TTC6: variants seen among roughly 807,000 people sequenced by gnomAD.
TTC6 encodes tetratricopeptide repeat domain 6.
In TTC6, 172 loss-of-function variants were observed where a neutral mutation model predicts 210.4. That is an observed-to-expected ratio of 0.82 (90% CI 0.72 to 0.93). TTC6 has a LOEUF of 0.93. Among genes scored for constraint, TTC6 ranks in the 40% least tolerant of loss-of-function variants. The pLI is 0.00. For synonymous variants in TTC6, 804 were observed against 819.6 expected, an observed-to-expected ratio of 0.98 and a Z score of 0.32; for missense variants, 2,414 against 2,318.1, an observed-to-expected ratio of 1.04 and a Z score of -0.85.
chr14:37,673,471 A>G (rs1403079259), intron 1 of TTC6, among the ~76,000 whole-genome samples: 3 of 151,848 alleles, frequency 2.0e-5, no homozygotes, highest in Non-Finnish European at 4.4e-5. Flanking sequence ...TTTTAGAAAC[A>G]CTCTTTTGGC....
intron 1 of TTC6, among the ~76,000 whole-genome samples, chr14:37,663,934 A>G (rs1326107088): frequency 6.6e-6 from 1 of 151,100 alleles, no homozygotes; most frequent in Admixed American, 6.6e-5. Context: ...ACCTAGGACT[A>G]TAGCTAATAA....
At chr14:37,710,535 T>C (rs1390847495) in intron 5 of TTC6, among the ~76,000 whole-genome samples, 1 of 152,130 alleles carries the variant, frequency 6.6e-6, no homozygotes, top group Non-Finnish European at 1.5e-5. Context: ...CCCTCAATGA[T>C]CATAAACAAT....
intron 7 of TTC6, among the ~76,000 whole-genome samples, chr14:37,730,594 T>C (rs1400872281): frequency 6.6e-6 from 1 of 151,776 alleles, no homozygotes; most frequent in Non-Finnish European, 1.5e-5. Flanking sequence ...TCATTTCCTT[T>C]CTTCTAATCA....
chr14:37,729,345 A>G (rs1467621788), intron 7 of TTC6, among the ~76,000 whole-genome samples: 2 of 152,220 alleles, frequency 1.3e-5, no homozygotes, highest in Admixed American at 6.5e-5. Flanking sequence ...GCATAAGTCA[A>G]TATGGCATCC....
chr14:37,724,870 C>T lies in TTC6; in HGVS notation c.1714-28C>T, dbSNP rs750960343. ...CTCTCAAGGCCATTTCTTACCATTT[C>T]TAATAACCTTTTATGTTATTTTCAA... On this transcript the variant is annotated intron_variant, in intron 6 of 30. Coordinates refer to ENST00000553443, the Ensembl canonical transcript of TTC6. The T allele has an allele frequency of 1.0e-5, 14 of 1,337,304 alleles. No individual in the cohort carries two copies. In the South Asian group the frequency reaches 1.9e-4, roughly 18 times the overall value. 82.8% of individuals were successfully genotyped at this position (1,337,304 alleles called of 1,614,324 possible).
intron 21 of TTC6, among the ~76,000 whole-genome samples, chr14:37,805,618 G>A (rs2096116752): frequency 6.6e-6 from 1 of 152,158 alleles, no homozygotes; most frequent in Middle Eastern, 3.2e-3. Flanking sequence ...TAGTCCTTTT[G>A]AACAACCAGA....
chr14:37,737,813 A>T (rs17107021), intron 9 of TTC6, 79 bp downstream of exon 11: 442,059 of 671,042 alleles, frequency 0.66, 147,934 homozygotes, highest in East Asian at 0.89. Flanking sequence ...ATTTTTTTTT[A>T]AAAGCATCTA....
At chr14:37,669,667 G>T (rs958210974) in intron 1 of TTC6, among the ~76,000 whole-genome samples, 48 of 152,074 alleles carry the variant, frequency 3.2e-4, no homozygotes, top group Non-Finnish European at 1.2e-4. Context: ...ATTTTTAGTA[G>T]GATGGATCAA....
chr14:37,703,966 C>G (rs2095830490), intron 5 of TTC6, among the ~76,000 whole-genome samples: 1 of 152,050 alleles, frequency 6.6e-6, no homozygotes, highest in African/African-American at 2.4e-5. Context: ...TGGTGAATAG[C>G]CTTTCGGACA....
At chr14:37,792,154 T>C (rs1015811577) in intron 16 of TTC6, 110 bp from the exon 19 acceptor site, 1 of 849,914 alleles carries the variant, frequency 1.2e-6, no homozygotes, top group African/African-American at 1.7e-5. Flanking sequence ...CATTAAAAAA[T>C]ACTCTGATGA....
chr14:37,749,194 A>G, exon 11 of TTC6: 1 of 1,532,738 alleles, frequency 6.5e-7, no homozygotes, highest in Non-Finnish European at 8.7e-7. Context: ...CACCTGAAAG[A>G]GTGAAAGAAC....
exon 4 of TTC6, chr14:37,696,735 T>C: frequency 6.8e-7 from 1 of 1,463,282 alleles, no homozygotes. Context: ...ACCAGAATTC[T>C]TGCAAATCGA....
At chr14:37,769,978 G>C (rs531531896) in intron 14 of TTC6, among the ~76,000 whole-genome samples, 1 of 152,014 alleles carries the variant, frequency 6.6e-6, no homozygotes, top group Non-Finnish European at 1.5e-5. Flanking sequence ...CTTTGAATGC[G>C]TCCCAGAGAT....
intron 6 of TTC6, among the ~76,000 whole-genome samples, chr14:37,716,106 C>A (rs75827536): frequency 3.9e-5 from 6 of 152,076 alleles, no homozygotes; most frequent in Non-Finnish European, 8.8e-5. Context: ...CTACGTATCA[C>A]TTGAACTAGT....
chr14:37,719,952 C>T (rs532500156), intron 6 of TTC6, among the ~76,000 whole-genome samples: 143 of 151,884 alleles, frequency 9.4e-4, no homozygotes, highest in Middle Eastern at 3.4e-3. Flanking sequence ...AACACGTATC[C>T]GGCAAAGAAT....
chr14:37,653,799 T>C (rs1358480294), intron 1 of TTC6, among the ~76,000 whole-genome samples: 1 of 152,204 alleles, frequency 6.6e-6, no homozygotes, highest in Non-Finnish European at 1.5e-5. Flanking sequence ...TTACAAGACA[T>C]TCTCTTGTCA....
chr14:37,808,594 T>G (rs1269696283), intron 23 of TTC6, 139 bp from the exon 26 acceptor site: 1 of 465,376 alleles, frequency 2.1e-6, no homozygotes. Context: ...TTAGCTTCAA[T>G]GTCTTAATTT....
At chr14:37,812,279 A>G in intron 24 of TTC6, 35 bp from the exon 27 acceptor site, 1 of 1,600,056 alleles carries the variant, frequency 6.2e-7, no homozygotes, top group Non-Finnish European at 8.5e-7. Context: ...CAGGCTCTAA[A>G]AAGTTGAATC....
At chr14:37,650,666 G>C (rs2095709603) in intron 1 of TTC6, among the ~76,000 whole-genome samples, 1 of 152,128 alleles carries the variant, frequency 6.6e-6, no homozygotes, top group African/African-American at 2.4e-5. Flanking sequence ...GTGAGGTCAG[G>C]TCGTTGGATG....
Sources: allele counts gnomAD v4.1 joint callset (sites outside exome capture counted in the v4.1 genomes callset), GRCh38; gene constraint gnomAD v4.1.1; transcripts MANE v1.5; gene names NCBI Gene and HGNC (gene_info 2026-07-23, HGNC 2026-07-21).